Variants in ERICH6B observed in about 807,000 individuals in gnomAD.
ERICH6B encodes glutamate-rich protein 6B.
In ERICH6B, 69 loss-of-function variants were observed where a neutral mutation model predicts 80.0. The observed-to-expected ratio is 0.86, with a 90% CI of 0.71 to 1.05. The LOEUF (loss-of-function observed/expected upper bound fraction) is 1.05. Ranked by LOEUF, ERICH6B falls within the 50% of genes least tolerant of loss-of-function variation. ERICH6B has a pLI of 0.00. For missense variants in ERICH6B, 754 were observed against 796.1 expected (o/e 0.95, Z 0.64); for synonymous variants, 283 against 291.9 (o/e 0.97, Z 0.31).
intron 2 of ERICH6B, among the ~76,000 whole-genome samples, chr13:45,599,062 T>C (rs1017481685): frequency 6.6e-6 from 1 of 152,232 alleles, no homozygotes; most frequent in Non-Finnish European, 1.5e-5. Flanking sequence ...CCAAGAAACG[T>C]TTTGTATCTC....
intron 7 of ERICH6B, among the ~76,000 whole-genome samples, chr13:45,576,204 A>G (rs1365062280): frequency 6.6e-6 from 1 of 152,144 alleles, no homozygotes; most frequent in Non-Finnish European, 1.5e-5. Context: ...GTTTACCCAC[A>G]CTGTCCTGGG....
chr13:45,587,318 G>C, intron 4 of ERICH6B, 86 bp from the exon 5 acceptor site: 1 of 1,256,214 alleles, frequency 8.0e-7, no homozygotes. Context: ...GGTTGAGGGG[G>C]TGCTCTTGAT....
intron 4 of ERICH6B, 73 bp downstream of exon 4, chr13:45,590,576 T>C: frequency 7.0e-7 from 1 of 1,424,270 alleles, no homozygotes; most frequent in Non-Finnish European, 9.6e-7. Flanking sequence ...TGTCCTGTGT[T>C]CTCCAAGGGC....
chr13:45,614,066 C>T (rs1166046511), intron 1 of ERICH6B, among the ~76,000 whole-genome samples: 2 of 152,138 alleles, frequency 1.3e-5, no homozygotes, highest in Non-Finnish European at 1.5e-5. Context: ...CCTTGAGCTT[C>T]GGTAGACAGT....
At chr13:45,569,501 G>A (rs185849653) in intron 8 of ERICH6B, among the ~76,000 whole-genome samples, 2 of 152,312 alleles carry the variant, frequency 1.3e-5, no homozygotes, top group Admixed American at 6.5e-5. Flanking sequence ...TGACCCATAG[G>A]TGGGTCCTCA....
chr13:45,599,180 G>A (rs1949809396), intron 2 of ERICH6B, among the ~76,000 whole-genome samples: 1 of 152,204 alleles, frequency 6.6e-6, no homozygotes, highest in Admixed American at 6.5e-5. Flanking sequence ...GAAAGAGTTG[G>A]TGGAGAGAAA....
rs556544096 is a variant in ERICH6B, at chr13:45,595,454, A to T, written c.637+915T>A. Among the ~76,000 whole-genome samples, 40 of 152,024 alleles carry T rather than the reference A, an allele frequency of 2.6e-4. 1 individual carries two copies. In the South Asian group the frequency reaches 5.0e-3, roughly 19 times the overall value. ...AGTGTATCTTTAAAAGCAGGTTACA[A>T]ACACAATATAAAGCATGATCCTTTT... On this transcript the variant is annotated intron_variant, in intron 3 of 14. Transcript: ENST00000298738.
chr13:45,593,348 G>A (rs1876232686), intron 3 of ERICH6B, among the ~76,000 whole-genome samples: 1 of 152,162 alleles, frequency 6.6e-6, no homozygotes, highest in Non-Finnish European at 1.5e-5. Context: ...TCACAAAGCA[G>A]GTAATGTGGC....
At position 45,589,903 on chromosome 13, in the gene ERICH6B, G is replaced by T. The variant is rs117201800; in HGVS notation, c.686+746C>A. On this transcript the variant is annotated intron_variant, in intron 4 of 14. Transcript: ENST00000298738. ...CAGAGCGGCCAGTGCAGGGCTGGAG[G>T]GGGGCTGCCTCGCCGGGTCAAGGGA... 3.7e-3 allele frequency among the ~76,000 whole-genome samples: 570 copies of T among 152,282 alleles called. 7 individuals are homozygous for T. Among genetic ancestry groups the T allele is most frequent in the Non-Finnish European group, 5.6e-3 (383 of 68,010 alleles).
intron 1 of ERICH6B, among the ~76,000 whole-genome samples, chr13:45,613,522 C>T (rs1179577530): frequency 6.6e-6 from 1 of 152,190 alleles, no homozygotes; most frequent in Non-Finnish European, 1.5e-5. Context: ...TATAGTCATG[C>T]TCCAAAAGCA....
intron 1 of ERICH6B, among the ~76,000 whole-genome samples, chr13:45,610,459 C>T (rs1949893125): frequency 1.3e-5 from 2 of 152,224 alleles, no homozygotes; most frequent in African/African-American, 4.8e-5. Context: ...AACTCCATCT[C>T]CTGCATGGTG....
chr13:45,609,838 G>C (rs894063575), intron 1 of ERICH6B, among the ~76,000 whole-genome samples: 1 of 152,224 alleles, frequency 6.6e-6, no homozygotes, highest in Non-Finnish European at 1.5e-5. Flanking sequence ...CCATTGTGTT[G>C]AAACCACCTT....
chr13:45,605,608 A>G (rs902310031), intron 2 of ERICH6B, among the ~76,000 whole-genome samples: 1 of 152,216 alleles, frequency 6.6e-6, no homozygotes, highest in Admixed American at 6.5e-5. Flanking sequence ...TGCTGAGGGC[A>G]ATGTTCTTTC....
rs895779275 is a variant in ERICH6B, at chr13:45,568,274, C to CA, written c.1187+40dup. The CA allele has an allele frequency of 6.0e-6, 9 of 1,494,140 alleles. 1 individual carries two copies. In the Admixed American group the frequency reaches 1.9e-4, roughly 32 times the overall value. The allele number at this position is 1,494,140 out of a possible 1,614,324, so 92.6% of individuals were successfully genotyped here. On this transcript the variant is annotated intron_variant, in intron 9 of 14. Transcript: ENST00000298738. ...TCCCTGCTGCCACCTCTGGCATACC[C>CA]AAATCCACTGACCAATCACTTGGCC...
At chr13:45,557,474 C>T (rs958401491) in intron 11 of ERICH6B, among the ~76,000 whole-genome samples, 24 of 152,058 alleles carry the variant, frequency 1.6e-4, no homozygotes, top group African/African-American at 4.3e-4. Flanking sequence ...ATTGCCTTTG[C>T]TTTTGGGTTT....
At chr13:45,602,793 C>T (rs1259697551) in intron 2 of ERICH6B, among the ~76,000 whole-genome samples, 1 of 152,210 alleles carries the variant, frequency 6.6e-6, no homozygotes, top group East Asian at 1.9e-4. Context: ...TCTTCTCATC[C>T]CTCCATTTTC....
chr13:45,571,870 GGA>G (rs1167194804), intron 8 of ERICH6B, among the ~76,000 whole-genome samples: 1 of 152,148 alleles, frequency 6.6e-6, no homozygotes, highest in Non-Finnish European at 1.5e-5. Context: ...TGCAAGTCAT[GGA>G]GAGATACCTG....
chr13:45,580,092 G>A (rs1332806837), intron 6 of ERICH6B, 118 bp from the exon 7 acceptor site: 5 of 858,976 alleles, frequency 5.8e-6, no homozygotes, highest in African/African-American at 1.7e-5. Context: ...GAAGCCTCAG[G>A]GTGGAGTGCC....
At chr13:45,558,589 T>G (rs934571946) in intron 11 of ERICH6B, among the ~76,000 whole-genome samples, 20 of 152,342 alleles carry the variant, frequency 1.3e-4, no homozygotes, top group African/African-American at 4.8e-4. Context: ...TGGCTTTTAC[T>G]ACATTGAGGT....
Sources: gnomAD v4.1 joint callset for allele counts (sites outside exome capture counted in the v4.1 genomes callset) on GRCh38, gnomAD v4.1.1 for gene constraint, MANE v1.5 for transcripts, NCBI Gene and HGNC (gene_info 2026-07-23, HGNC 2026-07-21) for gene names.